The following NAALADL2 variants were observed in gnomAD, a reference collection of about 807,000 sequenced individuals.
NAALADL2 encodes the protein inactive N-acetylated-alpha-linked acidic dipeptidase-like protein 2.
Under a neutral mutation model 87.2 loss-of-function variants are expected in NAALADL2, and 76 were observed. The observed-to-expected ratio is 0.87, with a 90% CI of 0.72 to 1.05. The LOEUF (loss-of-function observed/expected upper bound fraction) is 1.05, where lower values mean the gene tolerates loss of function less well. Among genes scored for constraint, NAALADL2 ranks in the 50% least tolerant of loss-of-function variants. The pLI is 0.00. For missense variants in NAALADL2, 1,089 were observed against 945.8 expected (o/e 1.15, Z -1.99); for synonymous variants, 354 against 331.0 (o/e 1.07, Z -0.75).
intron 5 of NAALADL2, among the ~76,000 whole-genome samples, chr3:175,429,176 TACAC>T (rs749991023): frequency 0.049 from 6,215 of 125,556 alleles, 271 homozygotes; most frequent in East Asian, 0.16. Flanking sequence ...TATATATATG[TACAC>T]ACACACACAC....
intron 2 of NAALADL2, among the ~76,000 whole-genome samples, chr3:175,142,238 G>T (rs558777624): frequency 6.6e-6 from 1 of 152,126 alleles, no homozygotes; most frequent in Non-Finnish European, 1.5e-5. Flanking sequence ...TTTCTAAAGT[G>T]AATTAAACAA....
chr3:175,094,258 A>G (rs1720714965), intron 1 of NAALADL2, among the ~76,000 whole-genome samples: 1 of 151,872 alleles, frequency 6.6e-6, no homozygotes, highest in Non-Finnish European at 1.5e-5. Flanking sequence ...AAGTAAATAT[A>G]ATATCATTTC....
chr3:175,662,518 G>A (rs1432732929), intron 11 of NAALADL2, among the ~76,000 whole-genome samples: 1 of 151,810 alleles, frequency 6.6e-6, no homozygotes, highest in East Asian at 1.9e-4. Flanking sequence ...AGGACTTCCA[G>A]TACTAAGTTG....
chr3:175,411,205 G>A (rs77171212), intron 5 of NAALADL2, among the ~76,000 whole-genome samples: 1,604 of 152,222 alleles, frequency 0.011, 28 homozygotes, highest in African/African-American at 0.035. Context: ...TACAGAGGAG[G>A]TGGCCTATAA....
rs148213543 is a variant in NAALADL2 at position 174,796,444 on chromosome 3, T to G, written c.-9+58698T>G. ...TCTATGCCCATGTGTATTCATTATTTAGCTCCCACGTGTAAGTGAGAATAT... is the reference window on the plus strand; with the variant it reads ...TCTATGCCCATGTGTATTCATTATTGAGCTCCCACGTGTAAGTGAGAATAT... On this transcript the variant is annotated intron_variant, in intron 3 of 3. Transcript: ENST00000434257. Among the ~76,000 whole-genome samples the G allele has an allele frequency of 6.6e-5, 10 of 152,286 alleles. No individual in the cohort carries two copies. The East Asian group carries it at 1.9e-3, about 30-fold the overall frequency.
At chr3:175,501,213 A>G (rs1472587436) in intron 9 of NAALADL2, among the ~76,000 whole-genome samples, 2 of 152,150 alleles carry the variant, frequency 1.3e-5, no homozygotes, top group Non-Finnish European at 2.9e-5. Flanking sequence ...AAACTTGCTT[A>G]AACAAAAATG....
intron 2 of NAALADL2, among the ~76,000 whole-genome samples, chr3:174,735,000 TAATCTC>T (rs1733057761): frequency 6.6e-6 from 1 of 152,152 alleles, no homozygotes. Flanking sequence ...TACTACAAGT[TAATCTC>T]GATAGAAGGA....
intron 3 of NAALADL2, among the ~76,000 whole-genome samples, chr3:174,742,632 A>T (rs1312334637): frequency 6.6e-6 from 1 of 151,720 alleles, no homozygotes; most frequent in Non-Finnish European, 1.5e-5. Flanking sequence ...GCTCTATTTA[A>T]ACAAAATTAC....
At chr3:174,764,000 T>A (rs1371065701) in intron 3 of NAALADL2, among the ~76,000 whole-genome samples, 3 of 152,184 alleles carry the variant, frequency 2.0e-5, no homozygotes, top group Non-Finnish European at 4.4e-5. Flanking sequence ...CATAGAGTTT[T>A]TAAAGAAAAG....
chr3:175,292,216 T>C (rs1755724170), intron 4 of NAALADL2, among the ~76,000 whole-genome samples: 1 of 152,112 alleles, frequency 6.6e-6, no homozygotes, highest in African/African-American at 2.4e-5. Context: ...AATTCTTACA[T>C]GAATTTAAAT....
chr3:175,716,536 A>G (rs1561025335), intron 11 of NAALADL2, among the ~76,000 whole-genome samples: 1 of 152,030 alleles, frequency 6.6e-6, no homozygotes, highest in Non-Finnish European at 1.5e-5. Context: ...AAGGATGAGA[A>G]TGAGTCAGCT....
intron 11 of NAALADL2, among the ~76,000 whole-genome samples, chr3:175,659,454 C>A (rs1049758504): frequency 6.6e-6 from 1 of 152,088 alleles, no homozygotes; most frequent in Non-Finnish European, 1.5e-5. Flanking sequence ...TTCTTGGTAA[C>A]CAGCAGCAGC....
chr3:175,806,113 T>G lies in NAALADL2; in HGVS notation c.*2910T>G, dbSNP rs994693061. 1 of 151,978 alleles carries G rather than the reference T, an allele frequency of 6.6e-6. No individual in the cohort carries two copies. Among genetic ancestry groups the G allele is most frequent in the Non-Finnish European group, 1.5e-5 (1 of 67,908 alleles). 9.4% of individuals were successfully genotyped at this position (151,978 alleles called of 1,614,324 possible). A position where few individuals can be genotyped will look rare whatever the true frequency, so the allele number is the denominator to read the frequency against. On this transcript the variant is annotated 3_prime_UTR_variant, in exon 14 of 14. Transcript: ENST00000454872. ...AAATGATCTTTTCCAGTGCATTCGA[T>G]GTAACCAGCCATTCTGTCAGATGTT... is the stretch of plus-strand genomic sequence containing the variant.
intron 3 of NAALADL2, among the ~76,000 whole-genome samples, chr3:174,739,454 G>T (rs961619292): frequency 1.3e-5 from 2 of 151,886 alleles, no homozygotes; most frequent in African/African-American, 4.8e-5. Flanking sequence ...GATCTCTATG[G>T]TTTCATTTGG....
chr3:174,851,735 A>C lies in NAALADL2; in HGVS notation c.-9+113989A>C, dbSNP rs1725288829. ...GGAATAATTTCAAACTCTTTCTACA[A>C]GGCTAGTATTATCCTGATAGCAAAA... On this transcript the variant is annotated intron_variant, in intron 3 of 3. Coordinates refer to the NAALADL2 transcript ENST00000434257. 2.0e-5 allele frequency among the ~76,000 whole-genome samples: 3 copies of C among 152,096 alleles called. No homozygotes were observed. In the South Asian group the frequency reaches 6.2e-4, roughly 31 times the overall value.
At chr3:174,556,633 G>T (rs1229616294) in intron 2 of NAALADL2, among the ~76,000 whole-genome samples, 1 of 151,946 alleles carries the variant, frequency 6.6e-6, no homozygotes, top group Non-Finnish European at 1.5e-5. Context: ...ATTTCCCTCA[G>T]GAAATAATTT....
At chr3:175,052,717 C>A (rs1243635989) in intron 1 of NAALADL2, among the ~76,000 whole-genome samples, 2 of 151,992 alleles carry the variant, frequency 1.3e-5, no homozygotes, top group African/African-American at 4.8e-5. Flanking sequence ...GTAGAGTGTC[C>A]TTCTAGATAC....
intron 6 of NAALADL2, chr3:175,460,055 A>G: frequency 2.3e-6 from 1 of 432,010 alleles, no homozygotes; most frequent in Non-Finnish European, 4.6e-6. Flanking sequence ...ATTATACTAC[A>G]GAGAGTTGAA....
chr3:175,605,420 ACT>A (rs1723554099), intron 10 of NAALADL2, among the ~76,000 whole-genome samples: 1 of 151,980 alleles, frequency 6.6e-6, no homozygotes, highest in Non-Finnish European at 1.5e-5. Flanking sequence ...AAGTAGGGAA[ACT>A]CTTATGGGGA....
Sources: allele counts gnomAD v4.1 joint callset (sites outside exome capture counted in the v4.1 genomes callset), GRCh38; gene constraint gnomAD v4.1.1; transcripts MANE v1.5; gene names NCBI Gene and HGNC (gene_info 2026-07-23, HGNC 2026-07-21).